Variants in BMP6 observed in about 807,000 individuals in gnomAD.
BMP6 encodes the protein bone morphogenetic protein 6.
In BMP6, 17 loss-of-function variants were observed where a neutral mutation model predicts 54.1. That is an observed-to-expected ratio of 0.31 (90% CI 0.22 to 0.47). The LOEUF (loss-of-function observed/expected upper bound fraction) is 0.47. Among genes scored for constraint, BMP6 ranks in the 20% least tolerant of loss-of-function variants. The probability of loss-of-function intolerance (pLI) is 1.00; values close to 1 mark genes in which losing one functional copy is unlikely to be tolerated. For synonymous variants in BMP6, 328 were observed against 291.2 expected (o/e 1.13, Z -1.28); for missense variants, 720 against 690.4 (o/e 1.04, Z -0.48).
chr6:7,755,493 T>C (rs558484562), intron 1 of BMP6, among the ~76,000 whole-genome samples: 30 of 152,334 alleles, frequency 2.0e-4, no homozygotes, highest in African/African-American at 6.3e-4. Context: ...TACTATTGTT[T>C]TCATATATTT....
chr6:7,846,632 C>T (rs1759070402), intron 2 of BMP6, among the ~76,000 whole-genome samples: 1 of 152,144 alleles, frequency 6.6e-6, no homozygotes, highest in Non-Finnish European at 1.5e-5. Context: ...TAAAATACAT[C>T]CATTGTGGTA....
intron 1 of BMP6, among the ~76,000 whole-genome samples, chr6:7,759,595 A>C (rs1757576825): frequency 1.3e-5 from 2 of 152,068 alleles, no homozygotes; most frequent in Non-Finnish European, 2.9e-5. Flanking sequence ...GTTTTAAGTA[A>C]TGAACACATG....
intron 1 of BMP6, among the ~76,000 whole-genome samples, chr6:7,833,122 A>T (rs575142302): frequency 2.0e-5 from 3 of 151,846 alleles, no homozygotes; most frequent in Non-Finnish European, 4.4e-5. Flanking sequence ...AGGGAGTGGG[A>T]CCCACTGGGT....
rs1347906602 is a variant in BMP6 at position 7,727,250 on chromosome 6, C to T, written c.295C>T (p.Leu99Phe). 1.1e-5 allele frequency: 17 copies of T among 1,606,280 alleles called. No individual in the cohort carries two copies. The highest frequency in any genetic ancestry group is 2.7e-5 in the African/African-American group (2 of 74,916). The change falls in exon 1 of 7, where the codon CTC (leucine) becomes TTC (phenylalanine). Residue 99 changes from leucine to phenylalanine, a missense_variant. Around this residue, in one of 3 missense-constraint regions of BMP6, gnomAD observed 650 missense variants for 556.3 expected, o/e 1.17. Transcript: ENST00000283147. Reference sequence around the variant, plus strand: ...GCACCGGCCCCGGCCCCTGCACGGCCTCCAACAGCCGCAGCCCCCGGCGCT... The same window carrying T: ...GCACCGGCCCCGGCCCCTGCACGGCTTCCAACAGCCGCAGCCCCCGGCGCT... ...LPHRPRPLHG[L>F]QQPQPPALRQ...
Position 7,850,730 on chromosome 6 carries a change from C to T in BMP6, c.857+5398C>T, listed in dbSNP as rs551863329. 1.8e-4 allele frequency among the ~76,000 whole-genome samples: 27 copies of T among 152,172 alleles called. No individual in the cohort carries two copies. The South Asian group carries it at 5.0e-3, about 28-fold the overall frequency. On this transcript the variant is annotated intron_variant, in intron 2 of 6. Transcript: ENST00000283147. Reference sequence around the variant, plus strand: ...TGAGTCATGGTATGAGTACCCGAGACGATGTGAGATGTAGAAGTTTTGAGC... The same window carrying T: ...TGAGTCATGGTATGAGTACCCGAGATGATGTGAGATGTAGAAGTTTTGAGC...
chr6:7,813,059 G>A (rs865853801), intron 1 of BMP6, among the ~76,000 whole-genome samples: 26 of 110,048 alleles, frequency 2.4e-4, no homozygotes, highest in African/African-American at 6.8e-4. Context: ...AGATCAGCCT[G>A]AGCAACATGG....
intron 1 of BMP6, among the ~76,000 whole-genome samples, chr6:7,833,951 T>TC (rs1273245031): frequency 1.3e-5 from 2 of 152,174 alleles, no homozygotes; most frequent in Middle Eastern, 3.2e-3. Flanking sequence ...AGTATGAGTG[T>TC]CACGGGCTCA....
chr6:7,861,863 C>T (rs1043953445), intron 3 of BMP6, among the ~76,000 whole-genome samples: 1 of 152,172 alleles, frequency 6.6e-6, no homozygotes, highest in Non-Finnish European at 1.5e-5. Flanking sequence ...GACAGCTTTT[C>T]TAGGCAGAGG....
chr6:7,878,214 A>C (rs753339557), intron 4 of BMP6, among the ~76,000 whole-genome samples: 2 of 151,966 alleles, frequency 1.3e-5, no homozygotes, highest in Admixed American at 6.5e-5. Context: ...TATTGGAGTT[A>C]TTTGTGTGTC....
chr6:7,808,127 A>C (rs957278509), intron 1 of BMP6, among the ~76,000 whole-genome samples: 1 of 151,598 alleles, frequency 6.6e-6, no homozygotes, highest in East Asian at 1.9e-4. Context: ...TCACCGTGTT[A>C]GCCAGGATGG....
rs371165114 is a variant in BMP6 at position 7,727,579 on chromosome 6, C to T, written c.624C>T (p.Phe208=). 7 of 1,582,020 alleles carry T rather than the reference C, an allele frequency of 4.4e-6. No individual in the cohort carries two copies. Among genetic ancestry groups the T allele is most frequent in the East Asian group, 4.5e-5 (2 of 44,236 alleles). Residue 208 remains phenylalanine, a synonymous_variant, in exon 1 of 7, where the codon TTC becomes TTT. Coordinates refer to ENST00000283147, the MANE Select transcript of BMP6 (RefSeq NM_001718.6). ...SPLTSAQDSA[F]LNDADMVMSF... ...TGACCAGCGCGCAGGACAGCGCCTT[C>T]CTCAACGACGCGGACATGGTCATGA...
chr6:7,764,495 G>A (rs1172271333), intron 1 of BMP6, among the ~76,000 whole-genome samples: 1 of 152,056 alleles, frequency 6.6e-6, no homozygotes, highest in African/African-American at 2.4e-5. Context: ...TAAAACTTAG[G>A]TAATATCTAT....
chr6:7,843,433 TC>T (rs1759009807), intron 1 of BMP6, among the ~76,000 whole-genome samples: 1 of 150,314 alleles, frequency 6.7e-6, no homozygotes. Context: ...TTTTTTCTTT[TC>T]TTTTCTTTCT....
At chr6:7,798,942 G>T (rs1462341176) in intron 1 of BMP6, among the ~76,000 whole-genome samples, 1 of 152,204 alleles carries the variant, frequency 6.6e-6, no homozygotes, top group Non-Finnish European at 1.5e-5. Context: ...CCTTCTGGCA[G>T]GCCTAGGGAG....
At chr6:7,789,282 G>A (rs1386417851) in intron 1 of BMP6, among the ~76,000 whole-genome samples, 1 of 152,158 alleles carries the variant, frequency 6.6e-6, no homozygotes. Flanking sequence ...GTTTCAGGAA[G>A]GAGTTCATAT....
chr6:7,879,717 C>T (rs79318071), intron 5 of BMP6, among the ~76,000 whole-genome samples: 3,052 of 152,216 alleles, frequency 0.02, 112 homozygotes, highest in African/African-American at 0.069. Context: ...TTGCTTGGGT[C>T]CAAGCACATA....
intron 1 of BMP6, among the ~76,000 whole-genome samples, chr6:7,842,274 G>T (rs1211272907): frequency 6.6e-6 from 1 of 152,116 alleles, no homozygotes; most frequent in Non-Finnish European, 1.5e-5. Flanking sequence ...TGGTGGCTGG[G>T]GCTGAGTCAT....
chr6:7,737,572 C>A (rs140444901), intron 1 of BMP6, among the ~76,000 whole-genome samples: 1 of 152,120 alleles, frequency 6.6e-6, no homozygotes, highest in Non-Finnish European at 1.5e-5. Context: ...GATGATCCCA[C>A]GTAGCTGCAG....
chr6:7,728,732 G>A (rs1379984149), intron 1 of BMP6, among the ~76,000 whole-genome samples: 1 of 152,180 alleles, frequency 6.6e-6, no homozygotes, highest in Non-Finnish European at 1.5e-5. Context: ...GGGGCTTCAC[G>A]GGCCTCCTTC....
Sources: gnomAD v4.1 joint callset for allele counts (sites outside exome capture counted in the v4.1 genomes callset) on GRCh38, gnomAD v4.1.1 for gene constraint, gnomAD v4.1.1 regional missense constraint, MANE v1.5 for transcripts, NCBI Gene and HGNC (gene_info 2026-07-23, HGNC 2026-07-21) for gene names.